The following PHLPP1 variants were observed in gnomAD, a reference collection of about 807,000 sequenced individuals.
PHLPP1 encodes PH domain and leucine rich repeat protein phosphatase 1.
PHLPP1 carries 42 observed loss-of-function variants against 117.2 expected under a neutral mutation model. The observed-to-expected ratio is 0.36, with a 90% CI of 0.28 to 0.46. The LOEUF (loss-of-function observed/expected upper bound fraction) is 0.46. Among genes scored for constraint, PHLPP1 ranks in the 20% least tolerant of loss-of-function variants. The pLI is 1.00. For missense variants in PHLPP1, 2,084 were observed against 2,241.9 expected, an observed-to-expected ratio of 0.93 and a Z score of 1.42; for synonymous variants, 1,042 against 970.7, an observed-to-expected ratio of 1.07 and a Z score of -1.37.
intron 1 of PHLPP1, among the ~76,000 whole-genome samples, chr18:62,802,618 TTAA>T (rs1343147786): frequency 6.6e-6 from 1 of 152,212 alleles, no homozygotes; most frequent in Admixed American, 6.5e-5. Context: ...TAACAAGCAC[TTAA>T]TAAATATTGA....
intron 1 of PHLPP1, among the ~76,000 whole-genome samples, chr18:62,739,540 C>T (rs1489534663): frequency 6.6e-6 from 1 of 151,948 alleles, no homozygotes; most frequent in Non-Finnish European, 1.5e-5. Flanking sequence ...AGTTATATCT[C>T]AGTGGAAGAA....
At chr18:62,772,212 T>G (rs1483689125) in intron 1 of PHLPP1, among the ~76,000 whole-genome samples, 1 of 152,338 alleles carries the variant, frequency 6.6e-6, no homozygotes, top group South Asian at 2.1e-4. Context: ...TCTGAAACTC[T>G]TCTGGAAGGT....
chr18:62,801,463 T>C (rs1913780576), intron 1 of PHLPP1, among the ~76,000 whole-genome samples: 1 of 151,620 alleles, frequency 6.6e-6, no homozygotes, highest in Admixed American at 6.6e-5. Flanking sequence ...TGTTAGTTAG[T>C]ATATGGAGCC....
chr18:62,870,299 A>C (rs1915870130), intron 4 of PHLPP1, among the ~76,000 whole-genome samples: 2 of 152,186 alleles, frequency 1.3e-5, no homozygotes, highest in African/African-American at 4.8e-5. Context: ...TAAGTTGATA[A>C]GTACACACAT....
intron 2 of PHLPP1, among the ~76,000 whole-genome samples, chr18:62,831,481 G>T (rs1197588779): frequency 2.6e-5 from 4 of 151,994 alleles, no homozygotes; most frequent in Non-Finnish European, 4.4e-5. Flanking sequence ...GGGACTACAG[G>T]CGCATGACAC....
At chr18:62,835,413 A>G (rs186721060) in intron 2 of PHLPP1, among the ~76,000 whole-genome samples, 15 of 152,176 alleles carry the variant, frequency 9.9e-5, no homozygotes, top group Middle Eastern at 3.4e-3. Flanking sequence ...CATGTTGACC[A>G]GGCTGGTCTT....
intron 1 of PHLPP1, among the ~76,000 whole-genome samples, chr18:62,788,261 C>T (rs1913355354): frequency 6.6e-6 from 1 of 152,208 alleles, no homozygotes; most frequent in African/African-American, 2.4e-5. Context: ...CCCAGGTGTC[C>T]TGGGCACACT....
chr18:62,894,604 A>C (rs1445982100), intron 4 of PHLPP1, among the ~76,000 whole-genome samples: 1 of 152,240 alleles, frequency 6.6e-6, no homozygotes, highest in Non-Finnish European at 1.5e-5. Flanking sequence ...AACATGAAAC[A>C]GGAGTTTTTG....
In PHLPP1 at chr18:62,826,601, A is replaced by G. The variant is rs575988382; in HGVS notation, c.1577-3434A>G. ...CTAGCATCTAGCATAGTGGCTTATA[A>G]CGGACATTAGATGCTCTTTTTTGCC... On this transcript the variant is annotated intron_variant, in intron 1 of 16. Coordinates refer to ENST00000262719, the MANE Select transcript of PHLPP1 (RefSeq NM_194449.4). Among the ~76,000 whole-genome samples, 4 of 152,324 alleles carry G rather than the reference A, an allele frequency of 2.6e-5. No homozygotes were observed. In the East Asian group the frequency reaches 7.7e-4, roughly 29 times the overall value.
At chr18:62,770,360 T>C (rs1912719046) in intron 1 of PHLPP1, among the ~76,000 whole-genome samples, 1 of 152,228 alleles carries the variant, frequency 6.6e-6, no homozygotes, top group East Asian at 1.9e-4. Flanking sequence ...TCCACCTGCC[T>C]TGGCCTCCCA....
intron 1 of PHLPP1, among the ~76,000 whole-genome samples, chr18:62,797,150 CT>C (rs1359608699): frequency 6.6e-6 from 1 of 152,232 alleles, no homozygotes; most frequent in Non-Finnish European, 1.5e-5. Context: ...ACCTTCCGAC[CT>C]GTTTGGGTAG....
intron 3 of PHLPP1, among the ~76,000 whole-genome samples, chr18:62,840,587 G>A (rs1915024719): frequency 6.6e-6 from 1 of 152,176 alleles, no homozygotes; most frequent in African/African-American, 2.4e-5. Context: ...TGGGTTGAAA[G>A]CAGTGAGTCA....
In PHLPP1 at chr18:62,715,984, C is replaced by A; in HGVS notation, c.301C>A (p.Pro101Thr). 1 of 1,335,274 alleles carries A rather than the reference C, an allele frequency of 7.5e-7. No homozygotes were observed. The highest frequency in any genetic ancestry group is 9.5e-7 in the Non-Finnish European group (1 of 1,048,856). 82.7% of individuals were successfully genotyped at this position (1,335,274 alleles called of 1,614,324 possible). Reference sequence around the variant, plus strand: ...CAGGAGGCGGCGCGGGGCGCCCCAGCCCATTGCCGGCGGGGCTGCCCCCGT... The same window carrying A: ...CAGGAGGCGGCGCGGGGCGCCCCAGACCATTGCCGGCGGGGCTGCCCCCGT... ...GRRRRRGAPQ[P>T]IAGGAAPVPG... Residue 101 changes from proline to threonine, a missense_variant, in exon 1 of 17, where the codon CCC becomes ACC. Around this residue, in one of 2 missense-constraint regions of PHLPP1, gnomAD observed 719 missense variants for 636.0 expected, o/e 1.13. Transcript: ENST00000262719.
At chr18:62,958,566 T>C (rs967536110) in intron 12 of PHLPP1, 63 bp from the exon 13 acceptor site, 35 of 1,558,950 alleles carry the variant, frequency 2.2e-5, no homozygotes, top group Non-Finnish European at 2.9e-5. Flanking sequence ...AGTAGGAGTA[T>C]AGAATTCCCT....
intron 12 of PHLPP1, among the ~76,000 whole-genome samples, chr18:62,955,558 A>G (rs1599140631): frequency 6.6e-6 from 1 of 152,100 alleles, no homozygotes; most frequent in Admixed American, 6.5e-5. Flanking sequence ...CTGTCACAGG[A>G]GCCTTGGGGA....
chr18:62,749,422 A>G (rs1189165981), intron 1 of PHLPP1, among the ~76,000 whole-genome samples: 1 of 152,212 alleles, frequency 6.6e-6, no homozygotes, highest in African/African-American at 2.4e-5. Context: ...CATTCTGGCT[A>G]TTTAACTTCT....
At chr18:62,955,528 G>A (rs762598790) in intron 12 of PHLPP1, among the ~76,000 whole-genome samples, 3 of 152,176 alleles carry the variant, frequency 2.0e-5, no homozygotes, top group African/African-American at 4.8e-5. Context: ...AAGGGAACCT[G>A]CTGCAGTGAA....
chr18:62,817,679 A>G (rs1914326573), intron 1 of PHLPP1, among the ~76,000 whole-genome samples: 1 of 152,128 alleles, frequency 6.6e-6, no homozygotes. Flanking sequence ...AATGGCTGAA[A>G]AAATATCAAA....
chr18:62,770,530 C>A (rs1237739142), intron 1 of PHLPP1, among the ~76,000 whole-genome samples: 1 of 152,144 alleles, frequency 6.6e-6, no homozygotes, highest in Non-Finnish European at 1.5e-5. Flanking sequence ...ACCATGTAGT[C>A]CTTTCTGTTG....
Sources: gnomAD v4.1 joint callset for allele counts (sites outside exome capture counted in the v4.1 genomes callset) on GRCh38, gnomAD v4.1.1 for gene constraint, gnomAD v4.1.1 regional missense constraint, MANE v1.5 for transcripts, NCBI Gene and HGNC (gene_info 2026-07-23, HGNC 2026-07-21) for gene names.